The following SRBD1 variants were observed in gnomAD, a reference collection of about 807,000 sequenced individuals.
SRBD1 encodes S1 RNA-binding domain-containing protein 1.
In SRBD1, 88 loss-of-function variants were observed where a neutral mutation model predicts 115.3. That is an observed-to-expected ratio of 0.76 (90% confidence interval 0.64 to 0.91). The LOEUF is 0.91. SRBD1 is among the 40% of genes least tolerant of loss of function. The pLI is 0.00. For missense variants in SRBD1, 1,385 were observed against 1,177.4 expected (o/e 1.18, Z -2.58); for synonymous variants, 509 against 407.7 (o/e 1.25, Z -2.99).
intron 14 of SRBD1, among the ~76,000 whole-genome samples, chr2:45,542,003 G>C (rs549498936): frequency 1.3e-5 from 2 of 152,218 alleles, no homozygotes; most frequent in Non-Finnish European, 2.9e-5. Flanking sequence ...TTGGAGGTGG[G>C]GGTTTCACTG....
At chr2:45,554,938 T>C (rs771947352) in intron 10 of SRBD1, among the ~76,000 whole-genome samples, 2 of 152,156 alleles carry the variant, frequency 1.3e-5, no homozygotes, top group Non-Finnish European at 2.9e-5. Flanking sequence ...TGTGTACCAA[T>C]GAAACTACTG....
intron 16 of SRBD1, among the ~76,000 whole-genome samples, chr2:45,420,904 T>C (rs761446130): frequency 9.9e-5 from 15 of 152,250 alleles, no homozygotes; most frequent in Non-Finnish European, 2.1e-4. Flanking sequence ...AGGGTACATG[T>C]GCACAACGTG....
At chr2:45,602,193 T>C (rs999856704) in intron 2 of SRBD1, 110 bp from the exon 3 acceptor site, 3 of 1,246,880 alleles carry the variant, frequency 2.4e-6, no homozygotes, top group African/African-American at 3.0e-5. Context: ...GTGTTTAATA[T>C]AAAATGGAGT....
At chr2:45,407,912 ACTTT>A (rs1296366416) in intron 19 of SRBD1, among the ~76,000 whole-genome samples, 1 of 152,058 alleles carries the variant, frequency 6.6e-6, no homozygotes, top group Non-Finnish European at 1.5e-5. Flanking sequence ...AAAAAAGTTG[ACTTT>A]CTTTAAACCA....
chr2:45,504,851 G>A (rs1178801555), intron 14 of SRBD1, among the ~76,000 whole-genome samples: 3 of 152,092 alleles, frequency 2.0e-5, no homozygotes, highest in East Asian at 1.9e-4. Flanking sequence ...ACATATGATC[G>A]TAACAGAAGC....
chr2:45,587,217 T>C (rs913608813), intron 4 of SRBD1, among the ~76,000 whole-genome samples: 12 of 134,372 alleles, frequency 8.9e-5, no homozygotes, highest in African/African-American at 3.2e-4. Flanking sequence ...TTTAAAATAT[T>C]ATAAATATTA....
chr2:45,493,905 C>A (rs1374787453), intron 14 of SRBD1, among the ~76,000 whole-genome samples: 2 of 151,794 alleles, frequency 1.3e-5, no homozygotes, highest in Non-Finnish European at 2.9e-5. Flanking sequence ...GACTTTCAAA[C>A]TGCAGAACTC....
chr2:45,435,576 A>AC (rs1439436047), intron 16 of SRBD1, among the ~76,000 whole-genome samples: 2 of 150,310 alleles, frequency 1.3e-5, no homozygotes, highest in Non-Finnish European at 1.5e-5. Flanking sequence ...AAAAAAACAA[A>AC]AAAAAAAAAC....
rs71394840 is a variant in SRBD1 at position 45,521,286 on chromosome 2, A to AACACACACACACACAC, written c.1874+25430_1874+25445dup. 1.6e-4 allele frequency among the ~76,000 whole-genome samples: 24 copies of AACACACACACACACAC among 146,428 alleles called. No homozygotes were observed. In the South Asian group the frequency reaches 2.4e-3, roughly 15 times the overall value. ...CCTACAACTCAACAACAAAAAGGAAAACACACACACACACACACACACACA... is the reference window on the plus strand; with the variant it reads ...CCTACAACTCAACAACAAAAAGGAAAACACACACACACACACACACACACACACACACACACACACA... On this transcript the variant is annotated intron_variant, in intron 14 of 20. Transcript: ENST00000263736.
chr2:45,414,123 G>C (rs1667688920), intron 18 of SRBD1, among the ~76,000 whole-genome samples: 1 of 152,108 alleles, frequency 6.6e-6, no homozygotes, highest in South Asian at 2.1e-4. Context: ...GAACATAGTG[G>C]AACAATATCT....
intron 18 of SRBD1, among the ~76,000 whole-genome samples, chr2:45,414,024 G>A (rs35616470): frequency 0.1 from 15,933 of 152,122 alleles, 861 homozygotes; most frequent in Middle Eastern, 0.15. Context: ...ATTCTAAAAG[G>A]CTTTCAAGAG....
intron 10 of SRBD1, among the ~76,000 whole-genome samples, chr2:45,558,239 A>T (rs777710301): frequency 6.6e-6 from 1 of 152,230 alleles, no homozygotes; most frequent in Non-Finnish European, 1.5e-5. Flanking sequence ...CTGAGGCAGA[A>T]GGATTGTTTA....
intron 14 of SRBD1, among the ~76,000 whole-genome samples, chr2:45,503,398 C>T (rs545803217): frequency 1.2e-4 from 18 of 152,112 alleles, no homozygotes; most frequent in Admixed American, 2.0e-4. Flanking sequence ...CTTTTGACAT[C>T]CTACTTATGA....
At chr2:45,426,047 T>C (rs372598514) in intron 16 of SRBD1, among the ~76,000 whole-genome samples, 1 of 152,198 alleles carries the variant, frequency 6.6e-6, no homozygotes, top group East Asian at 1.9e-4. Context: ...AGCCAAGTGG[T>C]CTAGCTCAGC....
intron 5 of SRBD1, among the ~76,000 whole-genome samples, chr2:45,584,513 A>C (rs1373682097): frequency 1.3e-5 from 2 of 152,316 alleles, no homozygotes; most frequent in South Asian, 4.1e-4. Context: ...GTTCCCCCAA[A>C]ATAACAGAAA....
At chr2:45,484,909 C>T (rs1009408583) in intron 15 of SRBD1, among the ~76,000 whole-genome samples, 2 of 152,226 alleles carry the variant, frequency 1.3e-5, no homozygotes, top group Non-Finnish European at 2.9e-5. Flanking sequence ...GGTGTTGTAG[C>T]ATGTACCAGT....
intron 14 of SRBD1, among the ~76,000 whole-genome samples, chr2:45,533,509 ACT>A (rs1039536090): frequency 1.3e-5 from 2 of 151,998 alleles, no homozygotes; most frequent in African/African-American, 4.8e-5. Context: ...ACTCAACTGA[ACT>A]CTCTAACAGA....
intron 14 of SRBD1, among the ~76,000 whole-genome samples, chr2:45,493,041 G>A (rs1329874564): frequency 6.6e-6 from 1 of 152,062 alleles, no homozygotes; most frequent in African/African-American, 2.4e-5. Flanking sequence ...GAATTCTTCA[G>A]GCTCTACAAA....
At chr2:45,595,856 G>A (rs1272356793) in intron 4 of SRBD1, among the ~76,000 whole-genome samples, 3 of 152,130 alleles carry the variant, frequency 2.0e-5, no homozygotes, top group Non-Finnish European at 4.4e-5. Context: ...AACCCACCAG[G>A]AAAATGCTGA....
Sources: gnomAD v4.1 joint callset for allele counts (sites outside exome capture counted in the v4.1 genomes callset) on GRCh38, gnomAD v4.1.1 for gene constraint, MANE v1.5 for transcripts, NCBI Gene and HGNC (gene_info 2026-07-23, HGNC 2026-07-21) for gene names.